Variants in PDE4B observed in about 807,000 individuals in gnomAD.
PDE4B encodes phosphodiesterase 4B.
Under a neutral mutation model 82.2 loss-of-function variants are expected in PDE4B, and 20 were observed. The ratio of observed to expected loss-of-function variants is 0.24; its 90% CI spans 0.17 to 0.35. PDE4B has a LOEUF of 0.35. PDE4B is among the 10% of genes least tolerant of loss of function. The pLI is 1.00. For missense variants in PDE4B, 655 were observed against 907.2 expected, an observed-to-expected ratio of 0.72 and a Z score of 3.57; for synonymous variants, 320 against 318.9, an observed-to-expected ratio of 1.00 and a Z score of -0.04.
intron 3 of PDE4B, among the ~76,000 whole-genome samples, chr1:66,092,615 A>G (rs975671689): frequency 6.6e-6 from 1 of 152,112 alleles, no homozygotes; most frequent in African/African-American, 2.4e-5. Context: ...TACTGTAAAG[A>G]CAAGATACTG....
chr1:65,985,935 T>A (rs1650933433), intron 3 of PDE4B, among the ~76,000 whole-genome samples: 1 of 152,092 alleles, frequency 6.6e-6, no homozygotes, highest in Non-Finnish European at 1.5e-5. Context: ...GCGGCAGGAA[T>A]GTGAATAATA....
At chr1:66,361,904 T>C (rs1570776016) in intron 10 of PDE4B, 111 bp downstream of exon 10, 2 of 845,178 alleles carry the variant, frequency 2.4e-6, no homozygotes, top group Non-Finnish European at 1.8e-6. Context: ...TATTACATTT[T>C]GTGTTAGGGA....
chr1:65,846,877 C>T (rs1646273350), intron 1 of PDE4B, among the ~76,000 whole-genome samples: 1 of 152,142 alleles, frequency 6.6e-6, no homozygotes, highest in Admixed American at 6.5e-5. Flanking sequence ...ACATACCAAT[C>T]CATGATAACC....
chr1:65,955,789 C>T lies in PDE4B; in HGVS notation c.281+36954C>T, dbSNP rs1178199951. 8.5e-5 allele frequency among the ~76,000 whole-genome samples: 13 copies of T among 152,092 alleles called. No homozygotes were observed. The East Asian group carries it at 1.7e-3, about 20-fold the overall frequency. ...TGCTCTTCAGTCATTTATAGGGTTA[C>T]GTGCTGTTCTCACGCTGGCCTCTGA... On this transcript the variant is annotated intron_variant, in intron 3 of 16. Transcript: ENST00000341517.
At chr1:66,325,783 A>G (rs1330443717) in intron 7 of PDE4B, among the ~76,000 whole-genome samples, 3 of 152,310 alleles carry the variant, frequency 2.0e-5, no homozygotes, top group Admixed American at 6.5e-5. Context: ...CAGGAAAGTG[A>G]CCCAGGACCA....
chr1:65,879,304 G>A (rs1358588228), intron 1 of PDE4B, among the ~76,000 whole-genome samples: 1 of 152,146 alleles, frequency 6.6e-6, no homozygotes, highest in Non-Finnish European at 1.5e-5. Flanking sequence ...GCAGGTATGT[G>A]CTATTTTTTT....
chr1:65,823,327 C>G (rs1645976775), intron 1 of PDE4B, among the ~76,000 whole-genome samples: 1 of 144,820 alleles, frequency 6.9e-6, no homozygotes, highest in Non-Finnish European at 1.5e-5. Flanking sequence ...ACCCAGGAGG[C>G]AGAAGTTGCA....
intron 3 of PDE4B, among the ~76,000 whole-genome samples, chr1:65,975,054 G>A (rs1393789748): frequency 6.6e-6 from 1 of 152,200 alleles, no homozygotes; most frequent in Non-Finnish European, 1.5e-5. Context: ...GAATAAGACA[G>A]GAAGATGTGG....
At position 66,372,330 on chromosome 1, in the gene PDE4B, C is replaced by T. The variant is rs757334743; in HGVS notation, c.1863C>T (p.Tyr621=). The T allele has an allele frequency of 6.2e-7, 1 of 1,611,066 alleles. No homozygotes were observed. The highest frequency in any genetic ancestry group is 1.1e-5 in the South Asian group (1 of 90,960). ...TTCTCCAGGTTGGTTTCATCGACTA[C>T]ATTGTCCATCCATTGTGGGAGACAT... ...VEKSQVGFID[Y]IVHPLWETWA... Residue 621 remains tyrosine, a synonymous_variant, in exon 17 of 17, where the codon TAC becomes TAT. Transcript: ENST00000341517.
rs529573776 is a variant in PDE4B, at chr1:66,245,794, GCTT to G, written c.282-1662_282-1660del. ...TTTTACCCAGACATTATCATTTTCT[GCTT>G]CTTATCAGACACCTGGAGTTTGTGG... On this transcript the variant is annotated intron_variant, in intron 3 of 16. Coordinates refer to ENST00000341517, the MANE Select transcript of PDE4B (RefSeq NM_002600.4). 6.6e-5 allele frequency among the ~76,000 whole-genome samples: 10 copies of G among 152,250 alleles called. 1 individual carries two copies. In the South Asian group the frequency reaches 1.7e-3, roughly 25 times the overall value.
At chr1:66,295,554 A>G (rs1269799255) in intron 7 of PDE4B, among the ~76,000 whole-genome samples, 1 of 152,018 alleles carries the variant, frequency 6.6e-6, no homozygotes, top group Non-Finnish European at 1.5e-5. Context: ...TCAGCCTCTC[A>G]TGTAGCTACA....
intron 1 of PDE4B, among the ~76,000 whole-genome samples, chr1:65,887,586 T>C (rs955823878): frequency 4.0e-5 from 6 of 150,482 alleles, no homozygotes; most frequent in African/African-American, 1.5e-4. Context: ...TTTGGCTAAT[T>C]TTTGTATTTT....
intron 1 of PDE4B, among the ~76,000 whole-genome samples, chr1:65,856,609 T>C (rs1233687553): frequency 6.6e-6 from 1 of 152,198 alleles, no homozygotes; most frequent in African/African-American, 2.4e-5. Flanking sequence ...GTTGCAAGTC[T>C]TTGCTATTGT....
At position 65,965,491 on chromosome 1, in the gene PDE4B, G is replaced by A. The variant is rs1421084691; in HGVS notation, c.281+46656G>A. 2.0e-5 allele frequency among the ~76,000 whole-genome samples: 3 copies of A among 148,054 alleles called. No individual in the cohort carries two copies. The East Asian group carries it at 6.0e-4, about 30-fold the overall frequency. ...CTTTCATAGGTTTAAATATTAAACA[G>A]TGGTGAACAGTTCCAGGAATCTTGT... On this transcript the variant is annotated intron_variant, in intron 3 of 16. Coordinates refer to ENST00000341517, the MANE Select transcript of PDE4B (RefSeq NM_002600.4).
chr1:65,818,685 C>CACACATATATATAT (rs141035147), intron 1 of PDE4B, among the ~76,000 whole-genome samples: 1 of 143,764 alleles, frequency 7.0e-6, no homozygotes, highest in African/African-American at 2.6e-5. Context: ...CACACACACA[C>CACACATATATATAT]ATATATATAT....
At chr1:66,078,146 A>G (rs1323441287) in intron 3 of PDE4B, among the ~76,000 whole-genome samples, 2 of 151,922 alleles carry the variant, frequency 1.3e-5, no homozygotes. Flanking sequence ...CTAGTAAACT[A>G]CAGAATTGAA....
chr1:65,958,572 C>A (rs1649375211), intron 3 of PDE4B, among the ~76,000 whole-genome samples: 1 of 152,026 alleles, frequency 6.6e-6, no homozygotes, highest in African/African-American at 2.4e-5. Context: ...TATACAATAT[C>A]TGGGTCTGAT....
chr1:65,981,088 C>T (rs1369848207), intron 3 of PDE4B, among the ~76,000 whole-genome samples: 1 of 152,086 alleles, frequency 6.6e-6, no homozygotes, highest in Non-Finnish European at 1.5e-5. Context: ...CCCAAAATAT[C>T]AATCTCAGGT....
At chr1:66,258,900 C>T (rs1654465981) in intron 6 of PDE4B, among the ~76,000 whole-genome samples, 1 of 152,140 alleles carries the variant, frequency 6.6e-6, no homozygotes, top group South Asian at 2.1e-4. Context: ...TGAGATGACT[C>T]TGTATACTCT....
Sources: allele counts gnomAD v4.1 joint callset (sites outside exome capture counted in the v4.1 genomes callset), GRCh38; gene constraint gnomAD v4.1.1; transcripts MANE v1.5; gene names NCBI Gene and HGNC (gene_info 2026-07-23, HGNC 2026-07-21).